Variants in TASP1 observed in about 807,000 individuals in gnomAD.
TASP1 encodes threonine aspartase 1.
Under a neutral mutation model 56.6 loss-of-function variants are expected in TASP1, and 16 were observed. The observed-to-expected ratio is 0.28, with a 90% CI of 0.19 to 0.43. The LOEUF (loss-of-function observed/expected upper bound fraction) is 0.43. TASP1 is among the 20% of genes least tolerant of loss of function. The probability of loss-of-function intolerance (pLI) is 1.00; values close to 1 mark genes in which losing one functional copy is unlikely to be tolerated. For missense variants in TASP1, 393 were observed against 511.6 expected, an observed-to-expected ratio of 0.77 and a Z score of 2.24; for synonymous variants, 179 against 184.2, an observed-to-expected ratio of 0.97 and a Z score of 0.23.
chr20:13,351,517 A>G, the TASP1 span, among the ~76,000 whole-genome samples: 2 of 152,268 alleles, frequency 1.3e-5, no homozygotes, highest in African/African-American at 2.4e-5. Flanking sequence ...CATTCGCTGC[A>G]TAAAAGAAGC....
the TASP1 span, among the ~76,000 whole-genome samples, chr20:13,353,029 G>T: frequency 6.6e-6 from 1 of 152,182 alleles, no homozygotes; most frequent in East Asian, 1.9e-4. Context: ...TTGAGACCAG[G>T]AGTTGAAGAC....
the TASP1 span, among the ~76,000 whole-genome samples, chr20:13,366,531 C>A: frequency 6.6e-6 from 1 of 152,174 alleles, no homozygotes; most frequent in Non-Finnish European, 1.5e-5. Context: ...CCAAAACACA[C>A]CACACCCAGA....
chr20:13,386,164 G>A (rs996348063), downstream of TASP1, among the ~76,000 whole-genome samples: 1 of 152,158 alleles, frequency 6.6e-6, no homozygotes, highest in South Asian at 2.1e-4. Flanking sequence ...GCATCATTAG[G>A]CTGAGCCAGC....
chr20:13,350,102 C>A, the TASP1 span, among the ~76,000 whole-genome samples: 1 of 152,154 alleles, frequency 6.6e-6, no homozygotes, highest in Non-Finnish European at 1.5e-5. Context: ...CTCTGCACTT[C>A]AGCCTGGGTG....
At chr20:13,535,142 T>C (rs1348331990) in intron 8 of TASP1, among the ~76,000 whole-genome samples, 2 of 152,302 alleles carry the variant, frequency 1.3e-5, no homozygotes, top group East Asian at 1.9e-4. Flanking sequence ...GTGTGATTTA[T>C]TGCTCACATT....
the TASP1 span, among the ~76,000 whole-genome samples, chr20:13,329,382 C>G: frequency 1.3e-5 from 2 of 152,122 alleles, no homozygotes; most frequent in African/African-American, 2.4e-5. Context: ...GAGAAGACAG[C>G]CATCTACGAA....
chr20:13,437,899 A>T (rs2043066359), intron 11 of TASP1, among the ~76,000 whole-genome samples: 1 of 152,230 alleles, frequency 6.6e-6, no homozygotes, highest in Non-Finnish European at 1.5e-5. Flanking sequence ...GCTCATGGGT[A>T]GGAAGAATCA....
the TASP1 span, among the ~76,000 whole-genome samples, chr20:13,263,938 T>C: frequency 2.6e-5 from 4 of 152,170 alleles, no homozygotes; most frequent in East Asian, 7.7e-4. Flanking sequence ...TCTTCTTTAA[T>C]ATCTTCAGTA....
At chr20:13,321,512 C>T in the TASP1 span, among the ~76,000 whole-genome samples, 3 of 152,168 alleles carry the variant, frequency 2.0e-5, no homozygotes, top group Non-Finnish European at 2.9e-5. Flanking sequence ...CTAAAACCCT[C>T]ATTAGCACTG....
At chr20:13,495,808 G>A (rs777829246) in intron 10 of TASP1, among the ~76,000 whole-genome samples, 48 of 152,096 alleles carry the variant, frequency 3.2e-4, no homozygotes, top group Non-Finnish European at 1.6e-4. Flanking sequence ...TTAACTTACA[G>A]TTTTATTCAA....
At chr20:13,332,913 G>A in the TASP1 span, among the ~76,000 whole-genome samples, 1 of 152,088 alleles carries the variant, frequency 6.6e-6, no homozygotes, top group Non-Finnish European at 1.5e-5. Context: ...AACATGCTTC[G>A]AGTCTTCCTG....
intron 13 of TASP1, among the ~76,000 whole-genome samples, chr20:13,407,704 G>A (rs1330503771): frequency 6.6e-6 from 1 of 152,090 alleles, no homozygotes; most frequent in Admixed American, 6.5e-5. Context: ...AGTGATATAT[G>A]AGGGTTCCAA....
chr20:13,110,420 T>G, the TASP1 span, among the ~76,000 whole-genome samples: 1 of 152,198 alleles, frequency 6.6e-6, no homozygotes, highest in Non-Finnish European at 1.5e-5. Context: ...GCACAGCAGC[T>G]TGGAGGCTGG....
the TASP1 span, among the ~76,000 whole-genome samples, chr20:13,214,546 C>G: frequency 0.027 from 3,535 of 131,818 alleles, 72 homozygotes; most frequent in Non-Finnish European, 0.036. Flanking sequence ...CACACACACA[C>G]ACACACACAC....
chr20:13,410,797 G>A (rs1221696603), intron 13 of TASP1, among the ~76,000 whole-genome samples: 1 of 151,984 alleles, frequency 6.6e-6, no homozygotes, highest in Non-Finnish European at 1.5e-5. Context: ...TCTGTCAATT[G>A]TTTCCATTCC....
the TASP1 span, chr20:13,239,419 G>A: frequency 6.6e-6 from 1 of 152,212 alleles, no homozygotes; most frequent in Non-Finnish European, 1.5e-5. Flanking sequence ...CATCTGCAGG[G>A]TCCTCCCTGA....
intron 10 of TASP1, among the ~76,000 whole-genome samples, chr20:13,492,384 A>G (rs1244850916): frequency 6.6e-6 from 1 of 152,214 alleles, no homozygotes; most frequent in African/African-American, 2.4e-5. Flanking sequence ...TTTTCAACAA[A>G]GGAATTTATT....
intron 10 of TASP1, among the ~76,000 whole-genome samples, chr20:13,513,733 A>G (rs1177622924): frequency 6.6e-6 from 1 of 152,170 alleles, no homozygotes; most frequent in Non-Finnish European, 1.5e-5. Flanking sequence ...AAAACTGTCT[A>G]TGAACTTGAT....
chr20:13,124,241 C>T, the TASP1 span, among the ~76,000 whole-genome samples: 2 of 152,004 alleles, frequency 1.3e-5, no homozygotes, highest in Non-Finnish European at 2.9e-5. Flanking sequence ...TCCCTCCCCT[C>T]CTGGACTCCC....
Sources: gnomAD v4.1 joint callset for allele counts (sites outside exome capture counted in the v4.1 genomes callset) on GRCh38, gnomAD v4.1.1 for gene constraint, MANE v1.5 for transcripts, NCBI Gene and HGNC (gene_info 2026-07-23, HGNC 2026-07-21) for gene names.